STK10: variants seen among roughly 807,000 people sequenced by gnomAD.
STK10 encodes the protein serine/threonine-protein kinase 10.
A neutral mutation model predicts 113.8 loss-of-function variants in STK10; 78 were observed. That is an observed-to-expected ratio of 0.69 (90% CI 0.57 to 0.83). The LOEUF (loss-of-function observed/expected upper bound fraction) is 0.83. Ranked by LOEUF, STK10 falls within the 40% of genes least tolerant of loss-of-function variation. STK10 has a pLI of 0.00. For synonymous variants in STK10, 465 were observed against 494.7 expected (o/e 0.94, Z 0.80); for missense variants, 1,109 against 1,280.1 (o/e 0.87, Z 2.04).
At chr5:172,104,320 T>C (rs1769054473) in intron 7 of STK10, among the ~76,000 whole-genome samples, 1 of 152,210 alleles carries the variant, frequency 6.6e-6, no homozygotes, top group African/African-American at 2.4e-5. Context: ...GGGCAAGTGC[T>C]GTGCACAGCC....
chr5:172,129,272 C>T (rs1769696411), intron 2 of STK10, among the ~76,000 whole-genome samples: 1 of 152,218 alleles, frequency 6.6e-6, no homozygotes, highest in Non-Finnish European at 1.5e-5. Flanking sequence ...CCATTCCAGG[C>T]CCTGCCAGGC....
At chr5:172,123,224 A>G (rs901967121) in intron 3 of STK10, among the ~76,000 whole-genome samples, 3 of 152,140 alleles carry the variant, frequency 2.0e-5, no homozygotes, top group Admixed American at 1.3e-4. Context: ...ATCTGCAGGA[A>G]GGTCAACACT....
intron 12 of STK10, among the ~76,000 whole-genome samples, chr5:172,071,323 C>G (rs1477822451): frequency 1.6e-5 from 1 of 61,786 alleles, no homozygotes; most frequent in Non-Finnish European, 3.3e-5. Context: ...ATAACTAAAA[C>G]TGAGGCAGGA....
At chr5:172,083,486 AT>A (rs1206924659) in intron 10 of STK10, among the ~76,000 whole-genome samples, 2 of 152,222 alleles carry the variant, frequency 1.3e-5, no homozygotes, top group Non-Finnish European at 2.9e-5. Flanking sequence ...GATGTAGAAA[AT>A]TTGATGGTAG....
At chr5:172,074,208 T>C (rs1264101390) in intron 12 of STK10, among the ~76,000 whole-genome samples, 2 of 152,054 alleles carry the variant, frequency 1.3e-5, no homozygotes, top group Admixed American at 6.6e-5. Flanking sequence ...AAGGTTTATA[T>C]AGAAAGGCAA....
chr5:172,142,669 T>C (rs1216199478), intron 2 of STK10, among the ~76,000 whole-genome samples: 1 of 152,206 alleles, frequency 6.6e-6, no homozygotes, highest in Non-Finnish European at 1.5e-5. Context: ...ATAATGTATG[T>C]CAGAACAAAA....
chr5:172,104,816 T>C (rs892140550), intron 7 of STK10, among the ~76,000 whole-genome samples: 10 of 152,192 alleles, frequency 6.6e-5, no homozygotes, highest in African/African-American at 2.4e-4. Flanking sequence ...CCTTTCCTTC[T>C]AGAGTCTGGA....
intron 12 of STK10, among the ~76,000 whole-genome samples, chr5:172,068,160 GA>G (rs1305616347): frequency 6.6e-6 from 1 of 152,134 alleles, no homozygotes; most frequent in African/African-American, 2.4e-5. Context: ...CCAAGATGGT[GA>G]AACCCTGTCT....
chr5:172,082,922 C>G lies in STK10; in HGVS notation c.1809+39G>C, dbSNP rs1273864369. On this transcript the variant is annotated intron_variant, in intron 11 of 18. Transcript: ENST00000176763. The surrounding 1 kb of genome is among the most constrained non-coding windows in gnomAD (Gnocchi z 4.3). ...CTTCCACTGAGAGAACACCTGGAGGCAAGAAGCCCTGCAGGGTCCCATCTT... is the reference window on the plus strand; with the variant it reads ...CTTCCACTGAGAGAACACCTGGAGGGAAGAAGCCCTGCAGGGTCCCATCTT... The G allele has an allele frequency of 6.2e-7, 1 of 1,606,814 alleles. No individual in the cohort carries two copies. Among genetic ancestry groups the G allele is most frequent in the Non-Finnish European group, 8.5e-7 (1 of 1,176,866 alleles).
intron 9 of STK10, chr5:172,092,433 T>A (rs1027635566): frequency 6.6e-6 from 1 of 152,126 alleles, no homozygotes; most frequent in African/African-American, 2.4e-5. Flanking sequence ...ACACCTTTTT[T>A]TCACTCAGTG....
intron 7 of STK10, among the ~76,000 whole-genome samples, chr5:172,101,778 A>C (rs1260235790): frequency 6.6e-6 from 1 of 152,214 alleles, no homozygotes; most frequent in Non-Finnish European, 1.5e-5. Context: ...ACATTAGAGC[A>C]ATGACTTGAA....
At chr5:172,074,240 A>G (rs1768261937) in intron 12 of STK10, among the ~76,000 whole-genome samples, 1 of 152,208 alleles carries the variant, frequency 6.6e-6, no homozygotes, top group South Asian at 2.1e-4. Flanking sequence ...TGGCCAAACA[A>G]CTTTAAAAAA....
intron 4 of STK10, among the ~76,000 whole-genome samples, chr5:172,116,463 T>C (rs1436632522): frequency 1.3e-5 from 2 of 152,188 alleles, no homozygotes; most frequent in Non-Finnish European, 2.9e-5. Flanking sequence ...TCAAAGCGCT[T>C]GTCTCTGCAG....
Position 172,044,647 on chromosome 5 carries a change from A to T in STK10, c.*235T>A, listed in dbSNP as rs574425170. The T allele has an allele frequency of 3.3e-6, 2 of 609,336 alleles. No homozygotes were observed. The highest frequency in any genetic ancestry group is 5.8e-5 in the East Asian group (2 of 34,214). 37.7% of individuals were successfully genotyped at this position (609,336 alleles called of 1,614,324 possible). A position where few individuals can be genotyped will look rare whatever the true frequency, so the allele number is the denominator to read the frequency against. The stretch of plus-strand genomic sequence containing the variant: ...TGAAGGGATCTGGGGCTCAAGGAGA[A>T]TATACATTAGGTTCAGGTGACAAAT... On this transcript the variant is annotated 3_prime_UTR_variant, in exon 19 of 19. Transcript: ENST00000176763. The surrounding 1 kb of genome is among the most constrained non-coding windows in gnomAD (Gnocchi z 4.5).
intron 2 of STK10, among the ~76,000 whole-genome samples, chr5:172,140,200 TA>T (rs1769945313): frequency 6.6e-6 from 1 of 152,186 alleles, no homozygotes; most frequent in Non-Finnish European, 1.5e-5. Context: ...TCAACATCAC[TA>T]ATCATCACGG....
chr5:172,100,512 C>A (rs532425221), intron 7 of STK10, among the ~76,000 whole-genome samples: 2 of 152,180 alleles, frequency 1.3e-5, no homozygotes, highest in Non-Finnish European at 2.9e-5. Flanking sequence ...AAAGGCCAGG[C>A]ATGGTGGCTC....
chr5:172,161,829 C>T (rs1770477291), intron 1 of STK10, among the ~76,000 whole-genome samples: 1 of 152,098 alleles, frequency 6.6e-6, no homozygotes, highest in Admixed American at 6.5e-5. Context: ...CTAAGGCAGT[C>T]CCATGCCCAG....
intron 4 of STK10, among the ~76,000 whole-genome samples, chr5:172,113,827 C>T (rs1642113739): frequency 2.6e-5 from 4 of 151,988 alleles, no homozygotes; most frequent in Admixed American, 6.6e-5. Context: ...GCAAGAGAAT[C>T]GCTTGAACCC....
At chr5:172,053,765 G>C (rs1015159039) in intron 17 of STK10, among the ~76,000 whole-genome samples, 3 of 152,252 alleles carry the variant, frequency 2.0e-5, no homozygotes, top group African/African-American at 7.2e-5. Flanking sequence ...TTTCATGCTA[G>C]AGGCTTCTGG....
Sources: allele counts gnomAD v4.1 joint callset (sites outside exome capture counted in the v4.1 genomes callset), GRCh38; gene constraint gnomAD v4.1.1; non-coding constraint Gnocchi (gnomAD v3.1); transcripts MANE v1.5; gene names NCBI Gene and HGNC (gene_info 2026-07-23, HGNC 2026-07-21).